The following DMD variants were observed in gnomAD, a reference collection of about 807,000 sequenced individuals.
The protein encoded by DMD is mutant dystrophin.
In DMD, 63 loss-of-function variants were observed where a neutral mutation model predicts 330.1. That is an observed-to-expected ratio of 0.19 (90% confidence interval 0.16 to 0.24). The LOEUF (loss-of-function observed/expected upper bound fraction) is 0.24, where lower values mean the gene tolerates loss of function less well. DMD is among the 10% of genes least tolerant of loss of function. The pLI is 1.00. For missense variants in DMD, 3,344 were observed against 2,684.1 expected, an observed-to-expected ratio of 1.25 and a Z score of -5.43; for synonymous variants, 1,223 against 959.8, an observed-to-expected ratio of 1.27 and a Z score of -5.07.
chrX:31,320,988 C>T (rs934827230), intron 62 of DMD, among the ~76,000 whole-genome samples: 5 of 110,997 alleles, frequency 4.5e-5, no homozygotes, highest in African/African-American at 1.3e-4. Context: ...CATAATAATC[C>T]TAAATTATAT....
chrX:32,506,224 T>C (rs190208929), intron 18 of DMD, among the ~76,000 whole-genome samples: 1 of 111,141 alleles, frequency 9.0e-6, no homozygotes, highest in Non-Finnish European at 1.9e-5. Context: ...GAAACAAATA[T>C]ACCACTCTAG....
chrX:33,022,157 G>A (rs958998341), intron 1 of DMD, among the ~76,000 whole-genome samples: 4 of 111,259 alleles, frequency 3.6e-5, no homozygotes, highest in African/African-American at 1.3e-4. Context: ...AAAGCAGAGA[G>A]TAAATGAGTC....
chrX:31,250,680 G>A (rs184373156), intron 63 of DMD, among the ~76,000 whole-genome samples: 1 of 111,767 alleles, frequency 8.9e-6, no homozygotes, highest in East Asian at 2.8e-4. Context: ...GCAGGGTACA[G>A]ACGAGGTCAA....
At chrX:32,550,039 C>T (rs971940515) in intron 16 of DMD, among the ~76,000 whole-genome samples, 8 of 111,864 alleles carry the variant, frequency 7.2e-5, no homozygotes, top group East Asian at 2.8e-4. Context: ...CTTGTACGAA[C>T]GCCGTGGAGT....
At chrX:32,821,493 C>A (rs767607843) in intron 5 of DMD, among the ~76,000 whole-genome samples, 1 of 109,445 alleles carries the variant, frequency 9.1e-6, no homozygotes, top group Non-Finnish European at 1.9e-5. Context: ...GAGGCTGAGG[C>A]AGGAGAATGG....
chrX:32,636,970 C>G (rs1225524644), intron 11 of DMD, among the ~76,000 whole-genome samples: 1 of 109,168 alleles, frequency 9.2e-6, no homozygotes, highest in Admixed American at 9.8e-5. Context: ...TGCACTCCAG[C>G]CTGGGAGACA....
intron 2 of DMD, among the ~76,000 whole-genome samples, chrX:32,994,582 G>A (rs1258369699): frequency 9.0e-6 from 1 of 111,380 alleles, no homozygotes; most frequent in Non-Finnish European, 1.9e-5. Context: ...ATATCCAGAA[G>A]TAGGAAAGTT....
At chrX:31,393,488 AAAACAAAAAAAAAAAAC>A (rs199756009) in intron 60 of DMD, among the ~76,000 whole-genome samples, 6,455 of 105,016 alleles carry the variant, frequency 0.061, 518 homozygotes, top group African/African-American at 0.23. Context: ...AAAAAAAAAA[AAAACAAAAAAAAAAAAC>A]AAACCCAACT....
chrX:32,299,653 A>G (rs752693732), intron 42 of DMD, among the ~76,000 whole-genome samples: 2 of 110,943 alleles, frequency 1.8e-5, no homozygotes, highest in African/African-American at 6.6e-5. Flanking sequence ...CAACTATGAT[A>G]TTTAAAAATG....
intron 41 of DMD, among the ~76,000 whole-genome samples, chrX:32,313,295 A>G (rs1398922233): frequency 9.0e-6 from 1 of 111,238 alleles, no homozygotes; most frequent in Non-Finnish European, 1.9e-5. Flanking sequence ...CCAATGACCA[A>G]AAAAACCACA....
intron 7 of DMD, among the ~76,000 whole-genome samples, chrX:32,710,578 T>A (rs1182903294): frequency 4.5e-5 from 5 of 111,493 alleles, no homozygotes; most frequent in Non-Finnish European, 9.4e-5. Flanking sequence ...GGAAAACTAA[T>A]GTTTTATTCA....
intron 60 of DMD, among the ~76,000 whole-genome samples, chrX:31,366,584 G>C (rs1426921660): frequency 9.5e-6 from 1 of 105,138 alleles, no homozygotes; most frequent in African/African-American, 3.5e-5. Context: ...AGTTGACAGA[G>C]CTGAAAGGCT....
chrX:31,857,838 A>G (rs1264687992), intron 48 of DMD, among the ~76,000 whole-genome samples: 1 of 110,091 alleles, frequency 9.1e-6, no homozygotes, highest in Non-Finnish European at 1.9e-5. Context: ...TATCATATAT[A>G]TGATATATGA....
chrX:32,155,263 A>G (rs752033748), intron 44 of DMD: 3 of 242,439 alleles, frequency 1.2e-5, no homozygotes, highest in African/African-American at 3.0e-5. Context: ...CTCCTGCATC[A>G]GAATAGAAGA....
At chrX:32,172,345 G>A (rs1189084362) in intron 44 of DMD, among the ~76,000 whole-genome samples, 2 of 111,983 alleles carry the variant, frequency 1.8e-5, no homozygotes, top group Non-Finnish European at 3.8e-5. Context: ...TCATTCAAAT[G>A]TTATAAGGCA....
intron 55 of DMD, among the ~76,000 whole-genome samples, chrX:31,604,783 T>C (rs1255526962): frequency 9.0e-6 from 1 of 111,354 alleles, no homozygotes; most frequent in East Asian, 2.8e-4. Flanking sequence ...CTCAGCTCAG[T>C]GGTTATCATC....
chrX:31,637,078 G>C (rs1317497257), intron 54 of DMD, among the ~76,000 whole-genome samples: 3 of 111,620 alleles, frequency 2.7e-5, no homozygotes, highest in Non-Finnish European at 5.7e-5. Flanking sequence ...TGCTTTACTA[G>C]ACATTTTACA....
intron 52 of DMD, among the ~76,000 whole-genome samples, chrX:31,692,022 A>G (rs2083159305): frequency 8.9e-6 from 1 of 111,983 alleles, no homozygotes; most frequent in Admixed American, 9.5e-5. Context: ...ATCATATGTT[A>G]GGCCACAGAC....
chrX:33,116,934 A>C (rs1352114758), intron 1 of DMD, among the ~76,000 whole-genome samples: 1 of 110,983 alleles, frequency 9.0e-6, no homozygotes, highest in Non-Finnish European at 1.9e-5. Context: ...CAGGATTCAT[A>C]CTGCTCTCAA....
Sources: allele counts gnomAD v4.1 joint callset (sites outside exome capture counted in the v4.1 genomes callset), GRCh38; gene constraint gnomAD v4.1.1; transcripts MANE v1.5; gene names NCBI Gene and HGNC (gene_info 2026-07-23, HGNC 2026-07-21).